TMEM114: variants seen among roughly 807,000 people sequenced by gnomAD.
TMEM114 encodes the protein claudin-26.
TMEM114 carries 6 observed loss-of-function variants against 6.2 expected under a neutral mutation model. That is an observed-to-expected ratio of 0.97 (90% CI 0.53 to 1.91). The LOEUF (loss-of-function observed/expected upper bound fraction) is 1.91. Ranked by LOEUF, TMEM114 falls within the 40% of genes most tolerant of loss-of-function variation. The pLI, the probability that TMEM114 is intolerant of heterozygous loss-of-function variation, is 0.01. For synonymous variants in TMEM114, 104 were observed against 73.0 expected (o/e 1.42, Z -2.16); for missense variants, 218 against 158.3 (o/e 1.38, Z -2.02).
At chr16:8,542,497 G>A (rs765348694) in intron 2 of TMEM114, among the ~76,000 whole-genome samples, 10 of 152,134 alleles carry the variant, frequency 6.6e-5, no homozygotes, top group Admixed American at 2.0e-4. Flanking sequence ...GCAAAGGATT[G>A]GGCCTGATTG....
At chr16:8,532,700 G>A (rs1170010864), downstream of TMEM114, among the ~76,000 whole-genome samples, 1 of 152,208 alleles carries the variant, frequency 6.6e-6, no homozygotes, top group East Asian at 1.9e-4. Context: ...CGAGGCGGGC[G>A]ACTCACGAGG....
intron 2 of TMEM114, among the ~76,000 whole-genome samples, chr16:8,581,184 C>G (rs1362100916): frequency 6.6e-6 from 1 of 152,144 alleles, no homozygotes; most frequent in Non-Finnish European, 1.5e-5. Flanking sequence ...AAATGACATC[C>G]TGCTGCCCAT....
At chr16:8,538,469 C>G (rs775674663) in intron 2 of TMEM114, among the ~76,000 whole-genome samples, 5 of 151,612 alleles carry the variant, frequency 3.3e-5, no homozygotes, top group African/African-American at 1.2e-4. Context: ...TGAACCTAGA[C>G]AAAGAATGTG....
At chr16:8,555,271 T>C (rs9929878) in intron 2 of TMEM114, among the ~76,000 whole-genome samples, 50,151 of 151,934 alleles carry the variant, frequency 0.33, 8,523 homozygotes, top group African/African-American at 0.39. Flanking sequence ...AAGCCTGTGG[T>C]AGAAGAAAAC....
chr16:8,577,059 C>T (rs925015543), intron 2 of TMEM114, among the ~76,000 whole-genome samples: 6 of 152,158 alleles, frequency 3.9e-5, no homozygotes, highest in East Asian at 1.9e-4. Flanking sequence ...CAGACCTGAG[C>T]GTGGTTCTTA....
intron 2 of TMEM114, among the ~76,000 whole-genome samples, chr16:8,585,391 T>C (rs1337429465): frequency 6.6e-6 from 1 of 152,060 alleles, no homozygotes; most frequent in Non-Finnish European, 1.5e-5. Context: ...ACTGAAGTGG[T>C]CTCTCTGTGA....
chr16:8,532,113 AG>A, the TMEM114 span: 1 of 152,214 alleles, frequency 6.6e-6, no homozygotes, highest in Non-Finnish European at 1.5e-5. Context: ...GGTACTACGT[AG>A]GGTTCAGCTC....
chr16:8,549,181 C>CAAAAAAAA (rs1216258524), intron 2 of TMEM114, among the ~76,000 whole-genome samples: 7 of 49,316 alleles, frequency 1.4e-4, no homozygotes, highest in Non-Finnish European at 2.2e-4. Flanking sequence ...GACTCCATCT[C>CAAAAAAAA]AAAAAAAAAA....
intron 2 of TMEM114, among the ~76,000 whole-genome samples, chr16:8,555,330 A>C (rs904269420): frequency 8.5e-5 from 13 of 152,372 alleles, no homozygotes; most frequent in African/African-American, 3.1e-4. Context: ...CTGCTCCTGC[A>C]AGAGCAGGGC....
intron 2 of TMEM114, among the ~76,000 whole-genome samples, chr16:8,562,484 ATGAGTATGTGAATGAG>A (rs2141671457): frequency 1.7e-5 from 2 of 120,966 alleles, no homozygotes; most frequent in South Asian, 2.9e-4. Context: ...GAGTGAGTGA[ATGAGTATGTGAATGAG>A]TAAATGAGTG....
Position 8,590,047 on chromosome 16 carries a change from C to T in TMEM114, c.-209G>A, listed in dbSNP as rs922790470. Reference sequence around the variant, plus strand: ...GCCGGCTCCGACCTGCACGCGCCCCCCGCTCAGCCGCCGTCCACGTTCCCA... The same window carrying T: ...GCCGGCTCCGACCTGCACGCGCCCCTCGCTCAGCCGCCGTCCACGTTCCCA... On this transcript the variant is annotated 5_prime_UTR_variant, in exon 1 of 4. Transcript: ENST00000620492. 2 of 379,042 alleles carry T rather than the reference C, an allele frequency of 5.3e-6. No individual in the cohort carries two copies. Among genetic ancestry groups the T allele is most frequent in the Admixed American group, 4.6e-5 (1 of 21,942 alleles). 23.5% of individuals were successfully genotyped at this position (379,042 alleles called of 1,614,324 possible).
At chr16:8,533,045 A>G (rs1197421487), downstream of TMEM114, among the ~76,000 whole-genome samples, 3 of 152,242 alleles carry the variant, frequency 2.0e-5, no homozygotes, top group Admixed American at 6.5e-5. Flanking sequence ...CAACATAAAT[A>G]AAGTCCCTAC....
chr16:8,580,047 A>T (rs959672125), intron 2 of TMEM114, among the ~76,000 whole-genome samples: 4 of 152,156 alleles, frequency 2.6e-5, no homozygotes, highest in African/African-American at 7.2e-5. Context: ...GGAGACACCC[A>T]AAGTAGCAAT....
At chr16:8,549,871 A>G (rs1165406862) in intron 2 of TMEM114, among the ~76,000 whole-genome samples, 4 of 152,172 alleles carry the variant, frequency 2.6e-5, no homozygotes, top group Non-Finnish European at 5.9e-5. Context: ...GGCTCACATG[A>G]TCACAAGGTG....
intron 2 of TMEM114, among the ~76,000 whole-genome samples, chr16:8,583,049 C>G (rs1392285680): frequency 6.6e-6 from 1 of 152,210 alleles, no homozygotes; most frequent in Non-Finnish European, 1.5e-5. Context: ...TCATACCTGA[C>G]TTCTCTATGT....
chr16:8,583,215 C>A (rs878884195), intron 2 of TMEM114, among the ~76,000 whole-genome samples: 1 of 152,184 alleles, frequency 6.6e-6, no homozygotes, highest in African/African-American at 2.4e-5. Context: ...TGGCCCAGTA[C>A]TGGGGATGAA....
chr16:8,563,685 GTGAA>G (rs1901381949), intron 2 of TMEM114, among the ~76,000 whole-genome samples: 1 of 150,820 alleles, frequency 6.6e-6, no homozygotes, highest in Non-Finnish European at 1.5e-5. Context: ...GAATGAGTAA[GTGAA>G]TGAGTGAGTT....
intron 2 of TMEM114, among the ~76,000 whole-genome samples, chr16:8,578,947 C>A (rs960899236): frequency 5.9e-5 from 9 of 152,052 alleles, no homozygotes; most frequent in African/African-American, 2.2e-4. Flanking sequence ...CCACTGCACT[C>A]TAGCCTGGGT....
intron 2 of TMEM114, among the ~76,000 whole-genome samples, chr16:8,563,058 TGAGTAAGTG>T (rs1164615115): frequency 1.4e-4 from 4 of 29,178 alleles, no homozygotes; most frequent in African/African-American, 6.9e-4. Flanking sequence ...ATTGAGTGAA[TGAGTAAGTG>T]AATGAGTAAG....
Sources: gnomAD v4.1 joint callset for allele counts (sites outside exome capture counted in the v4.1 genomes callset) on GRCh38, gnomAD v4.1.1 for gene constraint, MANE v1.5 for transcripts, NCBI Gene and HGNC (gene_info 2026-07-23, HGNC 2026-07-21) for gene names.